MMP15: variants seen among roughly 807,000 people sequenced by gnomAD.
MMP15 encodes matrix metalloproteinase-15.
In MMP15, 36 loss-of-function variants were observed where a neutral mutation model predicts 65.0. That is an observed-to-expected ratio of 0.55 (90% CI 0.42 to 0.73). MMP15 has a LOEUF of 0.73. Among genes scored for constraint, MMP15 ranks in the 30% least tolerant of loss-of-function variants. MMP15 has a pLI of 0.00. For synonymous variants in MMP15, 428 were observed against 410.2 expected (o/e 1.04, Z -0.52); for missense variants, 870 against 987.8 (o/e 0.88, Z 1.60).
Position 58,038,179 on chromosome 16 carries a change from C to T in MMP15, c.312-87C>T, listed in dbSNP as rs1179217989. ...TGTCATAGGAGGGGCGGCTGGGAAG[C>T]CCGGAAGTGGCGGAAGTGGCAGTGC... On this transcript the variant is annotated intron_variant, in intron 2 of 9. Transcript: ENST00000219271. 21 of 1,556,474 alleles carry T rather than the reference C, an allele frequency of 1.3e-5. 1 individual carries two copies. The Admixed American group carries it at 3.6e-4, about 27-fold the overall frequency.
chr16:58,030,587 G>T (rs1211299076), intron 1 of MMP15, among the ~76,000 whole-genome samples: 3 of 152,178 alleles, frequency 2.0e-5, no homozygotes, highest in African/African-American at 7.2e-5. Flanking sequence ...GCCATCGGCC[G>T]ATGGTGATGC....
Position 58,040,554 on chromosome 16 carries a change from G to A in MMP15, c.766G>A (p.Val256Met). 1 of 1,613,576 alleles carries A rather than the reference G, an allele frequency of 6.2e-7. No homozygotes were observed. The highest frequency in any genetic ancestry group is 8.5e-7 in the Non-Finnish European group (1 of 1,180,030). ...CCCAAAAGGAAACAACCTCTTCCTG[G>A]TGGCAGTGCATGAGCTGGGCCACGC... ...TDLHGNNLFL[V>M]AVHELGHALG... Residue 256 changes from valine (V) to methionine (M), a missense_variant, in exon 5 of 10, where the codon GTG (valine) becomes ATG (methionine). Transcript: ENST00000219271.
At position 58,044,402 on chromosome 16, in the gene MMP15, G is replaced by A. The variant is rs41505048; in HGVS notation, c.1571-605G>A. 6.2e-4 allele frequency among the ~76,000 whole-genome samples: 95 copies of A among 152,290 alleles called. 1 individual carries two copies. Among genetic ancestry groups the A allele is most frequent in the East Asian group, 2.9e-3 (15 of 5,188 alleles). ...GTCAAGGCTGCAGTGAGCTGTGATC[G>A]CGCCACTATACTCCAGCCTGGGTGA... On this transcript the variant is annotated intron_variant, in intron 9 of 9. Transcript: ENST00000219271.
At position 58,026,359 on chromosome 16, in the gene MMP15, C is replaced by A. The variant is rs1040481963; in HGVS notation, c.9C>A (p.Ser3Arg). Residue 3 changes from serine to arginine, a missense_variant, in exon 1 of 10, where the codon AGC (serine) becomes AGA (arginine). Transcript: ENST00000219271. Reference protein sequence around the residue: MGSDPSAPGRPGW... With the variant: MGRDPSAPGRPGW... ...GGCTGGGCGCCGAGAGCATGGGCAG[C>A]GACCCGAGCGCGCCCGGACGGCCGG... 1.5e-6 allele frequency: 2 copies of A among 1,356,764 alleles called. No homozygotes were observed. Among genetic ancestry groups the A allele is most frequent in the Non-Finnish European group, 1.9e-6 (2 of 1,061,348 alleles). 84.0% of individuals were successfully genotyped at this position (1,356,764 alleles called of 1,614,324 possible).
chr16:58,035,529 TGCACA>T (rs1477828378), intron 1 of MMP15, among the ~76,000 whole-genome samples: 1 of 152,226 alleles, frequency 6.6e-6, no homozygotes, highest in African/African-American at 2.4e-5. Flanking sequence ...CACCATCTGC[TGCACA>T]GGGTGGTGTC....
At chr16:58,028,311 A>T (rs1567427720) in intron 1 of MMP15, among the ~76,000 whole-genome samples, 1 of 152,138 alleles carries the variant, frequency 6.6e-6, no homozygotes, top group East Asian at 1.9e-4. Flanking sequence ...ACTGTCCTGG[A>T]GCCCTACTCC....
chr16:58,026,450 C>G lies in MMP15; in HGVS notation c.100C>G (p.Leu34Val). Residue 34 changes from leucine to valine, a missense_variant, in exon 1 of 10, where the codon CTG becomes GTG. Leu to Val is a conservative substitution (Grantham distance 32). Transcript: ENST00000219271. ...GCGGCCGCGACTGCTGCCGCTGCTCCTGGTGCTTCTGGGCTGCCTGGGCCT... is the reference window on the plus strand; with the variant it reads ...GCGGCCGCGACTGCTGCCGCTGCTCGTGGTGCTTCTGGGCTGCCTGGGCCT... ...AARPRLLPLL[L>V]VLLGCLGLGV... 6.9e-7 allele frequency: 1 copy of G among 1,452,330 alleles called. No individual in the cohort carries two copies. The highest frequency in any genetic ancestry group is 9.0e-7 in the Non-Finnish European group (1 of 1,105,000). 90.0% of individuals were successfully genotyped at this position (1,452,330 alleles called of 1,614,324 possible). A position where few individuals can be genotyped will look rare whatever the true frequency, so the allele number is the denominator to read the frequency against.
chr16:58,028,241 C>T (rs112762295), intron 1 of MMP15, among the ~76,000 whole-genome samples: 53 of 152,288 alleles, frequency 3.5e-4, no homozygotes, highest in South Asian at 1.0e-3. Context: ...AGCTCGATGC[C>T]GCCAGGGAAG....
chr16:58,026,277 G>A lies in MMP15; in HGVS notation c.-74G>A. On this transcript the variant is annotated 5_prime_UTR_variant, in exon 1 of 10. Transcript: ENST00000219271. ...CGCGCCTGCCGGGCCAGGAGCCAGG[G>A]AGCGTCGCAAGTTTCCAAGGCGCGT... 8.1e-7 allele frequency: 1 copy of A among 1,239,298 alleles called. No individual in the cohort carries two copies. The highest frequency in any genetic ancestry group is 1.0e-6 in the Non-Finnish European group (1 of 989,758). 76.8% of individuals were successfully genotyped at this position (1,239,298 alleles called of 1,614,324 possible). A position where few individuals can be genotyped will look rare whatever the true frequency, so the allele number is the denominator to read the frequency against.
rs1366630157 is a variant in MMP15 at position 58,045,127 on chromosome 16, A to T, written c.1691A>T (p.Glu564Val). ...RDFMGCQEHV[E>V]PGPRWPDVAR... Reference sequence around the variant, plus strand: ...TTCATGGGCTGCCAGGAGCACGTGGAGCCAGGCCCCCGATGGCCCGACGTG... The same window carrying T: ...TTCATGGGCTGCCAGGAGCACGTGGTGCCAGGCCCCCGATGGCCCGACGTG... The change falls in exon 10 of 10, where the codon GAG (glutamate) becomes GTG (valine). Residue 564 changes from glutamate to valine, a missense_variant. Physicochemically the swap from Glu to Val is moderately radical, Grantham distance 121. Coordinates refer to ENST00000219271, the MANE Select transcript of MMP15 (RefSeq NM_002428.4). 6.2e-7 allele frequency: 1 copy of T among 1,606,426 alleles called. No homozygotes were observed. The highest frequency in any genetic ancestry group is 1.1e-5 in the South Asian group (1 of 90,104).
chr16:58,032,067 T>C (rs1188079596), intron 1 of MMP15, among the ~76,000 whole-genome samples: 4 of 151,988 alleles, frequency 2.6e-5, no homozygotes, highest in African/African-American at 9.7e-5. Context: ...AGGGTTTCAC[T>C]GTGTTAGCCA....
In MMP15 at chr16:58,042,348, G is replaced by A. The variant is rs763191052; in HGVS notation, c.1282G>A (p.Gly428Ser). 37 of 1,614,156 alleles carry A rather than the reference G, an allele frequency of 2.3e-5. No homozygotes were observed. The highest frequency in any genetic ancestry group is 2.7e-5 in the Non-Finnish European group (32 of 1,180,018). The change falls in exon 7 of 10, where the codon GGT becomes AGT. Residue 428 changes from glycine (G) to serine (S), a missense_variant. Gly to Ser is a moderately conservative substitution (Grantham distance 56, BLOSUM62 0). Transcript: ENST00000219271. ...DISAAYERQD[G>S]RFVFFKGDRY... The stretch of plus-strand genomic sequence containing the variant: ...CAGTGCTGCCTACGAGCGCCAAGAC[G>A]GTCGTTTTGTCTTTTTCAAAGGTGA...
At chr16:58,042,425 C>G in intron 7 of MMP15, 56 bp downstream of exon 7, 1 of 1,590,180 alleles carries the variant, frequency 6.3e-7, no homozygotes, top group South Asian at 1.1e-5. Flanking sequence ...ACCTCTGACC[C>G]TGCTGGATCT....
intron 1 of MMP15, among the ~76,000 whole-genome samples, chr16:58,036,860 G>A (rs1959339240): frequency 6.6e-6 from 1 of 152,194 alleles, no homozygotes; most frequent in South Asian, 2.1e-4. Context: ...CAGCTACTGT[G>A]GACACAGCTT....
In MMP15 at chr16:58,040,589, G is replaced by A. The variant is rs535689427; in HGVS notation, c.801G>A (p.Leu267=). ...AVHELGHALG[L]EHSSNPNAIM... ...ATGAGCTGGGCCACGCGCTGGGGCT[G>A]GAGCACTCCAGCAACCCCAATGCCA... The change falls in exon 5 of 10, where the codon CTG becomes CTA. Residue 267 remains leucine, a synonymous_variant. Transcript: ENST00000219271. The A allele has an allele frequency of 6.2e-7, 1 of 1,613,982 alleles. No homozygotes were observed. Among genetic ancestry groups the A allele is most frequent in the Admixed American group, 1.7e-5 (1 of 60,012 alleles).
Position 58,045,682 on chromosome 16 carries a change from C to G in MMP15, c.*236C>G. Reference sequence around the variant, plus strand: ...TGTTTAGAATTTTCTAAATGTAGTTCTGCTCCAGACAGGGAATTAGGCCCC... The same window carrying G: ...TGTTTAGAATTTTCTAAATGTAGTTGTGCTCCAGACAGGGAATTAGGCCCC... On this transcript the variant is annotated 3_prime_UTR_variant, in exon 10 of 10. Coordinates refer to ENST00000219271, the MANE Select transcript of MMP15 (RefSeq NM_002428.4). 1.9e-6 allele frequency: 1 copy of G among 532,244 alleles called. No individual in the cohort carries two copies. Among genetic ancestry groups the G allele is most frequent in the Non-Finnish European group, 3.3e-6 (1 of 304,572 alleles). The allele number at this position is 532,244 out of a possible 1,614,324, so 33.0% of individuals were successfully genotyped here. A position where few individuals can be genotyped will look rare whatever the true frequency, so the allele number is the denominator to read the frequency against.
rs1959475215 is a variant in MMP15, at chr16:58,042,340, G to A, written c.1274G>A (p.Arg425His). ...LPGDISAAYERQDGRFVFFKG... is the reference protein window; with the variant it reads ...LPGDISAAYEHQDGRFVFFKG... ...GGTGACATCAGTGCTGCCTACGAGC[G>A]CCAAGACGGTCGTTTTGTCTTTTTC... Residue 425 changes from arginine (R) to histidine (H), a missense_variant, in exon 7 of 10, where the codon CGC becomes CAC. Transcript: ENST00000219271. 2.5e-6 allele frequency: 4 copies of A among 1,614,192 alleles called. No homozygotes were observed. Among genetic ancestry groups the A allele is most frequent in the Non-Finnish European group, 3.4e-6 (4 of 1,180,026 alleles).
chr16:58,030,674 C>G (rs78335500), intron 1 of MMP15, among the ~76,000 whole-genome samples: 3 of 152,258 alleles, frequency 2.0e-5, no homozygotes, highest in Non-Finnish European at 4.4e-5. Context: ...TGACTGTCAC[C>G]CTGTAGGGGT....
chr16:58,040,953 T>A, intron 5 of MMP15: 1 of 580,316 alleles, frequency 1.7e-6, no homozygotes, highest in Non-Finnish European at 3.1e-6. Flanking sequence ...AGGTTCTTCA[T>A]GACCCTCCTC....
Sources: allele counts gnomAD v4.1 joint callset (sites outside exome capture counted in the v4.1 genomes callset), GRCh38; gene constraint gnomAD v4.1.1; transcripts MANE v1.5; gene names NCBI Gene and HGNC (gene_info 2026-07-23, HGNC 2026-07-21).